RNF111: variants seen among roughly 807,000 people sequenced by gnomAD.
RNF111 encodes the protein ring finger protein 111.
A neutral mutation model predicts 95.1 loss-of-function variants in RNF111; 17 were observed. The observed-to-expected ratio is 0.18, with a 90% CI of 0.12 to 0.27. RNF111 has a LOEUF of 0.27. Among genes scored for constraint, RNF111 ranks in the 10% least tolerant of loss-of-function variants. RNF111 has a pLI of 1.00. For missense variants in RNF111, 1,189 were observed against 1,210.4 expected, an observed-to-expected ratio of 0.98 and a Z score of 0.26; for synonymous variants, 440 against 414.8, an observed-to-expected ratio of 1.06 and a Z score of -0.74.
chr15:59,015,594 A>G (rs2040027223), intron 1 of RNF111, among the ~76,000 whole-genome samples: 1 of 151,552 alleles, frequency 6.6e-6, no homozygotes, highest in Admixed American at 6.6e-5. Flanking sequence ...CCTCACTCTG[A>G]TAATTTGACC....
chr15:58,995,761 G>A (rs1368010816), intron 1 of RNF111, among the ~76,000 whole-genome samples: 2 of 139,232 alleles, frequency 1.4e-5, no homozygotes, highest in Admixed American at 7.6e-5. Flanking sequence ...GCCGTGCCCC[G>A]GCCTTTTTTT....
intron 2 of RNF111, among the ~76,000 whole-genome samples, chr15:59,036,790 A>G (rs1370488703): frequency 6.6e-6 from 1 of 152,188 alleles, no homozygotes; most frequent in Non-Finnish European, 1.5e-5. Context: ...GTATATAATT[A>G]ACTGACTTTA....
chr15:59,088,527 G>A (rs374457484), intron 10 of RNF111, among the ~76,000 whole-genome samples: 1 of 152,168 alleles, frequency 6.6e-6, no homozygotes, highest in Non-Finnish European at 1.5e-5. Flanking sequence ...TATAAATTCT[G>A]CTTAAAGTAT....
chr15:59,057,679 T>A (rs936868803), intron 4 of RNF111, among the ~76,000 whole-genome samples: 14 of 152,196 alleles, frequency 9.2e-5, no homozygotes, highest in African/African-American at 2.9e-4. Flanking sequence ...TGAGTATTAA[T>A]ATTTACAAAA....
At chr15:59,079,010 C>A (rs777398151) in intron 7 of RNF111, among the ~76,000 whole-genome samples, 1 of 151,944 alleles carries the variant, frequency 6.6e-6, no homozygotes, top group Non-Finnish European at 1.5e-5. Context: ...ATATGTTGAA[C>A]GTCTAGGAAA....
At chr15:59,088,241 G>C (rs1309767759) in intron 10 of RNF111, among the ~76,000 whole-genome samples, 1 of 152,186 alleles carries the variant, frequency 6.6e-6, no homozygotes, top group Non-Finnish European at 1.5e-5. Context: ...GGGTGATAAG[G>C]ATTGAGTTCG....
intron 10 of RNF111, among the ~76,000 whole-genome samples, chr15:59,087,251 C>T (rs1165386330): frequency 6.6e-6 from 1 of 152,138 alleles, no homozygotes; most frequent in Non-Finnish European, 1.5e-5. Flanking sequence ...GGTGAAAAAA[C>T]CTTAGAGAAT....
rs773342573 is a variant in RNF111 at position 59,030,815 on chromosome 15, A to G, written c.-8A>G. 1 of 1,561,458 alleles carries G rather than the reference A, an allele frequency of 6.4e-7. No individual in the cohort carries two copies. The highest frequency in any genetic ancestry group is 1.2e-5 in the South Asian group (1 of 82,530). On this transcript the variant is annotated 5_prime_UTR_variant, in exon 2 of 14. Coordinates refer to ENST00000348370, the MANE Select transcript of RNF111 (RefSeq NM_017610.8). ...ATTTTGTCTTCTAGGCTTTCCTTAAAGTTTCCCATGTCTCAATGGACTCCT... is the reference window on the plus strand; with the variant it reads ...ATTTTGTCTTCTAGGCTTTCCTTAAGGTTTCCCATGTCTCAATGGACTCCT...
rs2141322886 is a variant in RNF111, at chr15:58,988,003, T to G, written c.-85T>G. 1 of 151,850 alleles carries G rather than the reference T, an allele frequency of 6.6e-6. No individual in the cohort carries two copies. The highest frequency in any genetic ancestry group is 2.0e-4 in the East Asian group (1 of 5,116). 9.4% of individuals were successfully genotyped at this position (151,850 alleles called of 1,614,324 possible). On this transcript the variant is annotated 5_prime_UTR_variant, in exon 1 of 14. Coordinates refer to ENST00000348370, the MANE Select transcript of RNF111 (RefSeq NM_017610.8). ...CGCATTACTCTTTACGCCTTACATT[T>G]CTGTCTTCCTTCCTGGGTCAGTGAT...
chr15:59,080,800 T>C (rs1157985812), intron 7 of RNF111, 136 bp from the exon 8 acceptor site: 1 of 678,332 alleles, frequency 1.5e-6, no homozygotes. Flanking sequence ...GAGCAGTTGC[T>C]TGAATACTTT....
At chr15:59,071,316 A>G (rs1337721131) in intron 6 of RNF111, among the ~76,000 whole-genome samples, 1 of 150,672 alleles carries the variant, frequency 6.6e-6, no homozygotes, top group Non-Finnish European at 1.5e-5. Context: ...AAAAAAAAAA[A>G]AGAATACGAA....
At chr15:59,044,680 G>T (rs768684597) in intron 2 of RNF111, among the ~76,000 whole-genome samples, 3 of 151,716 alleles carry the variant, frequency 2.0e-5, no homozygotes, top group Non-Finnish European at 4.4e-5. Context: ...AGCCATACTC[G>T]TTTTTTATCC....
chr15:59,040,926 G>A (rs2041417600), intron 2 of RNF111, among the ~76,000 whole-genome samples: 1 of 152,054 alleles, frequency 6.6e-6, no homozygotes, highest in Non-Finnish European at 1.5e-5. Context: ...TAGCTTCAGA[G>A]TCAAAACTTT....
chr15:59,021,835 A>T (rs2040359714), intron 1 of RNF111, among the ~76,000 whole-genome samples: 1 of 151,972 alleles, frequency 6.6e-6, no homozygotes, highest in South Asian at 2.1e-4. Flanking sequence ...CTTTTTGGTT[A>T]TTGCTATGCG....
chr15:59,032,644 C>A lies in RNF111; in HGVS notation c.880+942C>A, dbSNP rs543172312. 5.2e-4 allele frequency among the ~76,000 whole-genome samples: 79 copies of A among 152,268 alleles called. 1 individual carries two copies. Among genetic ancestry groups the A allele is most frequent in the African/African-American group, 1.8e-3 (75 of 41,548 alleles). ...CCAAGTTGCCCAGGTTGGTCTTGAA[C>A]TCCTTAGCTCAGGCGATCCACCTGC... On this transcript the variant is annotated intron_variant, in intron 2 of 13. Coordinates refer to ENST00000348370, the MANE Select transcript of RNF111 (RefSeq NM_017610.8).
chr15:59,074,350 G>A (rs1387564195), intron 6 of RNF111, among the ~76,000 whole-genome samples: 1 of 152,140 alleles, frequency 6.6e-6, no homozygotes, highest in Non-Finnish European at 1.5e-5. Flanking sequence ...CCAATATTAG[G>A]CTGTTTTGTC....
chr15:59,068,751 A>G (rs1475326208), intron 6 of RNF111, among the ~76,000 whole-genome samples: 1 of 151,878 alleles, frequency 6.6e-6, no homozygotes, highest in East Asian at 1.9e-4. Flanking sequence ...TAAAATTTTG[A>G]TGGTATGTCT....
At chr15:58,999,546 G>A (rs533535542) in intron 1 of RNF111, among the ~76,000 whole-genome samples, 221 of 152,208 alleles carry the variant, frequency 1.5e-3, no homozygotes, top group African/African-American at 3.9e-3. Context: ...ATGTTTCCCA[G>A]GCTGGTCTCG....
At chr15:58,991,831 T>G (rs55646764) in intron 1 of RNF111, among the ~76,000 whole-genome samples, 1,661 of 152,340 alleles carry the variant, frequency 0.011, 23 homozygotes, top group African/African-American at 0.038. Context: ...TATGTTGGTG[T>G]TGTTTAAACC....
Sources: allele counts gnomAD v4.1 joint callset (sites outside exome capture counted in the v4.1 genomes callset), GRCh38; gene constraint gnomAD v4.1.1; transcripts MANE v1.5; gene names NCBI Gene and HGNC (gene_info 2026-07-23, HGNC 2026-07-21).